SH3KBP1: variants seen among roughly 807,000 people sequenced by gnomAD.
SH3KBP1 encodes SH3 domain-containing kinase-binding protein 1.
Under a neutral mutation model 50.1 loss-of-function variants are expected in SH3KBP1, and 8 were observed. The observed-to-expected ratio is 0.16, with a 90% CI of 0.09 to 0.29. The LOEUF (loss-of-function observed/expected upper bound fraction) is 0.29, where lower values mean the gene tolerates loss of function less well. Ranked by LOEUF, SH3KBP1 falls within the 10% of genes least tolerant of loss-of-function variation. The probability of loss-of-function intolerance (pLI) is 1.00; values close to 1 mark genes in which losing one functional copy is unlikely to be tolerated. For missense variants in SH3KBP1, 377 were observed against 535.2 expected (o/e 0.70, Z 2.92); for synonymous variants, 227 against 218.6 (o/e 1.04, Z -0.34).
intron 4 of SH3KBP1, among the ~76,000 whole-genome samples, chrX:19,703,973 T>C (rs1228577954): frequency 9.1e-6 from 1 of 110,484 alleles, no homozygotes; most frequent in African/African-American, 3.3e-5. Flanking sequence ...GGAGCTACAT[T>C]TAGCATTTAT....
intron 2 of SH3KBP1, among the ~76,000 whole-genome samples, chrX:19,750,181 C>T (rs1280077949): frequency 1.8e-5 from 2 of 111,726 alleles, no homozygotes; most frequent in East Asian, 2.8e-4. Context: ...GTCTCAGCCT[C>T]CCGAATAGCT....
intron 12 of SH3KBP1, among the ~76,000 whole-genome samples, chrX:19,570,979 G>A (rs999100263): frequency 9.0e-6 from 1 of 111,620 alleles, no homozygotes; most frequent in African/African-American, 3.3e-5. Context: ...GTTTGTGGGC[G>A]CATTTGGCAC....
intron 1 of SH3KBP1, 58 bp from the exon 2 acceptor site, chrX:19,836,340 C>T: frequency 2.0e-6 from 2 of 1,022,826 alleles, no homozygotes; most frequent in South Asian, 4.0e-5. Context: ...AGGCTGAGGT[C>T]CAGTATCCCT....
intron 2 of SH3KBP1, among the ~76,000 whole-genome samples, chrX:19,821,898 T>A (rs1420748020): frequency 8.9e-6 from 1 of 112,670 alleles, no homozygotes; most frequent in Non-Finnish European, 1.9e-5. Context: ...TGTTCCTTCA[T>A]CTGAGAATGT....
rs761003705 is a variant in SH3KBP1, at chrX:19,784,601, T to TTTTTA, written c.163-38165_163-38161dup. Among the ~76,000 whole-genome samples, 347 of 110,814 alleles carry TTTTTA rather than the reference T, an allele frequency of 3.1e-3. 1 individual carries two copies. The highest frequency in any genetic ancestry group is 4.4e-3 in the Non-Finnish European group (233 of 52,868). On this transcript the variant is annotated intron_variant, in intron 2 of 17. Transcript: ENST00000397821. ...CTGAAATTTTCATCATCAGATTTAT[T>TTTTTA]TTTTATTTTATTTTATTTTACTTTT...
chrX:19,856,949 G>GTGTTT (rs1275149618), intron 1 of SH3KBP1, among the ~76,000 whole-genome samples: 1 of 37,966 alleles, frequency 2.6e-5, no homozygotes, highest in Non-Finnish European at 4.7e-5. Context: ...GCTAATACTA[G>GTGTTT]TCTTTTTTTT....
Position 19,592,164 on chromosome X carries a change from A to G in SH3KBP1, c.1058-17T>C, listed in dbSNP as rs2066768314. Reference sequence around the variant, plus strand: ...CAGTGGTGCCTAGGAGGGAAAGGGTAATAGTGATCACAAAATGTTTTCTGT... The same window carrying G: ...CAGTGGTGCCTAGGAGGGAAAGGGTGATAGTGATCACAAAATGTTTTCTGT... On this transcript the variant is annotated splice_polypyrimidine_tract_variant and intron_variant, in intron 10 of 17. Transcript: ENST00000397821. 2.7e-6 allele frequency: 3 copies of G among 1,125,856 alleles called. No individual in the cohort carries two copies. Among genetic ancestry groups the G allele is most frequent in the African/African-American group, 1.8e-5 (1 of 55,323 alleles). 92.8% of individuals were successfully genotyped at this position (1,125,856 alleles called of 1,213,427 possible).
chrX:19,558,762 T>C (rs1000999005), intron 13 of SH3KBP1, among the ~76,000 whole-genome samples: 3 of 112,214 alleles, frequency 2.7e-5, no homozygotes, highest in Non-Finnish European at 5.6e-5. Flanking sequence ...TGAGTTCTCA[T>C]TACATTATTA....
chrX:19,625,100 G>A (rs779479414), intron 8 of SH3KBP1, among the ~76,000 whole-genome samples: 1 of 112,245 alleles, frequency 8.9e-6, no homozygotes, highest in Non-Finnish European at 1.9e-5. Context: ...TTCCTGCCAA[G>A]CTAAGGATCT....
intron 1 of SH3KBP1, among the ~76,000 whole-genome samples, chrX:19,849,683 GA>G (rs61338118): frequency 1.2e-3 from 57 of 48,839 alleles, no homozygotes; most frequent in Middle Eastern, 0.026. Flanking sequence ...GTAGCAGAGT[GA>G]AAAAAAAAAA....
chrX:19,538,119 A>T (rs2147499064), intron 16 of SH3KBP1, among the ~76,000 whole-genome samples: 1 of 111,549 alleles, frequency 9.0e-6, no homozygotes, highest in Non-Finnish European at 1.9e-5. Flanking sequence ...ACTTCACGTA[A>T]CCTGTCAGAA....
intron 3 of SH3KBP1, among the ~76,000 whole-genome samples, chrX:19,714,103 G>A (rs2063844894): frequency 9.0e-6 from 1 of 111,429 alleles, no homozygotes; most frequent in Non-Finnish European, 1.9e-5. Context: ...GACAAACATC[G>A]CACGTTCTCA....
intron 1 of SH3KBP1, among the ~76,000 whole-genome samples, chrX:19,844,303 A>G (rs1184920855): frequency 1.8e-5 from 2 of 111,767 alleles, no homozygotes; most frequent in African/African-American, 6.5e-5. Flanking sequence ...TAGGTGCTCA[A>G]TAAATGTTGG....
chrX:19,706,015 A>T (rs2063645207), intron 4 of SH3KBP1, among the ~76,000 whole-genome samples: 1 of 111,526 alleles, frequency 9.0e-6, no homozygotes, highest in South Asian at 3.7e-4. Flanking sequence ...ACATTAGGTT[A>T]TGTATGAGAG....
intron 8 of SH3KBP1, among the ~76,000 whole-genome samples, chrX:19,615,913 T>C (rs934571330): frequency 7.5e-5 from 8 of 106,873 alleles, no homozygotes; most frequent in Non-Finnish European, 1.5e-4. Context: ...TAGGCAGTCA[T>C]TCACTTTTTT....
chrX:19,693,588 G>A (rs913965239), intron 5 of SH3KBP1, among the ~76,000 whole-genome samples: 2 of 111,570 alleles, frequency 1.8e-5, no homozygotes, highest in African/African-American at 6.5e-5. Flanking sequence ...TTTTAATTCA[G>A]TAAGTGTGTT....
intron 15 of SH3KBP1, among the ~76,000 whole-genome samples, chrX:19,543,735 T>C (rs12013533): frequency 0.26 from 28,979 of 109,529 alleles, 3,132 homozygotes; most frequent in African/African-American, 0.39. Flanking sequence ...AAAGAGCCAG[T>C]GAAGGGCCAG....
intron 2 of SH3KBP1, among the ~76,000 whole-genome samples, chrX:19,805,838 T>C (rs1238263594): frequency 8.9e-6 from 1 of 111,904 alleles, no homozygotes; most frequent in Non-Finnish European, 1.9e-5. Context: ...ATTTGCTGTT[T>C]GCTGTTTTCC....
At chrX:19,572,513 C>T (rs1163116552) in intron 12 of SH3KBP1, among the ~76,000 whole-genome samples, 1 of 106,031 alleles carries the variant, frequency 9.4e-6, no homozygotes, top group Non-Finnish European at 1.9e-5. Context: ...ATATATATGT[C>T]ACATATATGT....
Sources: gnomAD v4.1 joint callset for allele counts (sites outside exome capture counted in the v4.1 genomes callset) on GRCh38, gnomAD v4.1.1 for gene constraint, MANE v1.5 for transcripts, NCBI Gene and HGNC (gene_info 2026-07-23, HGNC 2026-07-21) for gene names.